Variants in DPYSL2 observed in about 807,000 individuals in gnomAD.
DPYSL2 encodes dihydropyrimidinase like 2.
Under a neutral mutation model 69.9 loss-of-function variants are expected in DPYSL2, and 13 were observed. That is an observed-to-expected ratio of 0.19 (90% CI 0.12 to 0.30). The LOEUF is 0.30. DPYSL2 is among the 10% of genes least tolerant of loss of function. The pLI is 1.00. For missense variants in DPYSL2, 587 were observed against 918.9 expected (o/e 0.64, Z 4.67); for synonymous variants, 326 against 359.1 (o/e 0.91, Z 1.04).
intron 8 of DPYSL2, among the ~76,000 whole-genome samples, chr8:26,636,685 T>A (rs11135950): frequency 0.64 from 96,712 of 151,724 alleles, 32,922 homozygotes; most frequent in Non-Finnish European, 0.76. Context: ...GGTGCCCAGT[T>A]TGGACCTATT....
At position 26,640,487 on chromosome 8, in the gene DPYSL2, C is replaced by G. The variant is rs375174407; in HGVS notation, c.1127-2952C>G. On this transcript the variant is annotated intron_variant, in intron 8 of 13. Transcript: ENST00000521913. The surrounding 1 kb of genome is among the most constrained non-coding windows in gnomAD (Gnocchi z 4.2). ...TTTCTGGCATGCAGTTCAAGGGTGT[C>G]TGTGGCCTGGCTGAGCTCCGGAAGT... Among the ~76,000 whole-genome samples, 1 of 152,194 alleles carries G rather than the reference C, an allele frequency of 6.6e-6. No individual in the cohort carries two copies. The highest frequency in any genetic ancestry group is 2.1e-4 in the South Asian group (1 of 4,830).
intron 1 of DPYSL2, among the ~76,000 whole-genome samples, chr8:26,555,547 G>C (rs966380672): frequency 3.3e-5 from 5 of 152,008 alleles, no homozygotes; most frequent in African/African-American, 4.8e-5. Flanking sequence ...ATATGTATAA[G>C]ATCTGTATGA....
In DPYSL2 at chr8:26,642,801, T is replaced by G. The variant is rs777876247; in HGVS notation, c.1127-638T>G. 4 of 152,232 alleles carry G rather than the reference T, an allele frequency of 2.6e-5. No individual in the cohort carries two copies. Among genetic ancestry groups the G allele is most frequent in the African/African-American group, 4.8e-5 (2 of 41,440 alleles). 9.4% of individuals were successfully genotyped at this position (152,232 alleles called of 1,614,324 possible). On this transcript the variant is annotated intron_variant, in intron 8 of 13. Coordinates refer to ENST00000521913, the MANE Select transcript of DPYSL2 (RefSeq NM_001197293.3). This position sits in a 1 kb window ranked among gnomAD's most constrained non-coding sequence, Gnocchi z 5.3. ...AAACTCTGAAATCCCAGTGGCATAA[T>G]GTCCAGTTTGTTTCTCTCTCACAGA...
chr8:26,563,660 C>T (rs945025068), intron 1 of DPYSL2, among the ~76,000 whole-genome samples: 1 of 152,232 alleles, frequency 6.6e-6, no homozygotes, highest in Admixed American at 6.5e-5. Flanking sequence ...ACCTCTCTAT[C>T]CTCTGCTTAT....
At chr8:26,531,188 C>T (rs942781484) in intron 1 of DPYSL2, among the ~76,000 whole-genome samples, 6 of 152,016 alleles carry the variant, frequency 3.9e-5, no homozygotes, top group African/African-American at 1.4e-4. Context: ...TTGGGGGACA[C>T]ATTCAGACCA....
chr8:26,579,954 GC>G (rs56385974), intron 1 of DPYSL2, among the ~76,000 whole-genome samples: 34,660 of 122,274 alleles, frequency 0.28, 4,872 homozygotes, highest in South Asian at 0.4. Flanking sequence ...TTTAAAGAGC[GC>G]CCCCCCCCCC....
In DPYSL2 at chr8:26,656,920, T is replaced by C. The variant is rs1017357702; in HGVS notation, c.*1214T>C. On this transcript the variant is annotated 3_prime_UTR_variant, in exon 14 of 14. Transcript: ENST00000521913. The stretch of plus-strand genomic sequence containing the variant: ...GGTCAAACCTAAACACCGAGCCTCA[T>C]TAACCCAAGTGAACCAACCAAAGTC... The C allele has an allele frequency of 6.6e-6, 1 of 152,418 alleles. No individual in the cohort carries two copies. The highest frequency in any genetic ancestry group is 2.4e-5 in the African/African-American group (1 of 41,456). 9.4% of individuals were successfully genotyped at this position (152,418 alleles called of 1,614,324 possible). A position where few individuals can be genotyped will look rare whatever the true frequency, so the allele number is the denominator to read the frequency against.
chr8:26,520,488 A>G (rs1401364434), intron 1 of DPYSL2, among the ~76,000 whole-genome samples: 1 of 137,018 alleles, frequency 7.3e-6, no homozygotes, highest in Non-Finnish European at 1.6e-5. Context: ...TTTTTTTTTC[A>G]GTGTACTCTT....
In DPYSL2 at chr8:26,643,158, T is replaced by C; in HGVS notation, c.1127-281T>C. 1 of 357,688 alleles carries C rather than the reference T, an allele frequency of 2.8e-6. No homozygotes were observed. The highest frequency in any genetic ancestry group is 5.0e-5 in the East Asian group (1 of 19,834). 22.2% of individuals were successfully genotyped at this position (357,688 alleles called of 1,614,324 possible). On this transcript the variant is annotated intron_variant, in intron 8 of 13. Coordinates refer to ENST00000521913, the MANE Select transcript of DPYSL2 (RefSeq NM_001197293.3). The surrounding 1 kb of genome is among the most constrained non-coding windows in gnomAD (Gnocchi z 6.5). The stretch of plus-strand genomic sequence containing the variant: ...TTAATGGAATTGAAAATCAGCAACG[T>C]AGGAGACAGAAGCCTTCAGGATGTC...
chr8:26,595,897 A>G (rs1801850120), intron 3 of DPYSL2, among the ~76,000 whole-genome samples: 1 of 152,190 alleles, frequency 6.6e-6, no homozygotes, highest in African/African-American at 2.4e-5. Flanking sequence ...GTTCTGGCAG[A>G]GGCGAGCAGC....
chr8:26,560,993 A>C lies in DPYSL2; in HGVS notation c.355-20976A>C, dbSNP rs1801061286. On this transcript the variant is annotated intron_variant, in intron 1 of 13. Coordinates refer to ENST00000521913, the MANE Select transcript of DPYSL2 (RefSeq NM_001197293.3). This position sits in a 1 kb window ranked among gnomAD's most constrained non-coding sequence, Gnocchi z 4.4. ...TCCACAGTTATTAATGGTACCTTAC[A>C]CTACACAGTTGCTGCCACATCCATT... Among the ~76,000 whole-genome samples the C allele has an allele frequency of 6.6e-6, 1 of 152,148 alleles. No individual in the cohort carries two copies. The highest frequency in any genetic ancestry group is 1.5e-5 in the Non-Finnish European group (1 of 68,018).
intron 3 of DPYSL2, among the ~76,000 whole-genome samples, chr8:26,601,321 G>A (rs367951917): frequency 6.6e-6 from 1 of 152,096 alleles, no homozygotes; most frequent in Admixed American, 6.6e-5. Context: ...TGGCTCCGGG[G>A]CCAGCACTTA....
intron 3 of DPYSL2, among the ~76,000 whole-genome samples, chr8:26,622,086 TTTCTTTCCTTCCTTCCTTCCTTCCTTCC>T (rs1802494445): frequency 1.8e-5 from 2 of 109,410 alleles, no homozygotes; most frequent in African/African-American, 6.1e-5. Context: ...TCTTTCTTTC[TTTCTTTCCTTCCTTCCTTCCTTCCTTCC>T]TTCCTTCCTT....
At chr8:26,606,257 G>C (rs1346465419) in intron 3 of DPYSL2, among the ~76,000 whole-genome samples, 1 of 152,078 alleles carries the variant, frequency 6.6e-6, no homozygotes, top group Non-Finnish European at 1.5e-5. Context: ...GAAAACCAAA[G>C]TAAACATCTT....
At chr8:26,558,153 C>T (rs1387827525) in intron 1 of DPYSL2, among the ~76,000 whole-genome samples, 1 of 152,064 alleles carries the variant, frequency 6.6e-6, no homozygotes, top group Non-Finnish European at 1.5e-5. Flanking sequence ...ATGTTTATAG[C>T]AGCTTTATTC....
In DPYSL2 at chr8:26,593,509, G is replaced by A. The variant is rs1801787686; in HGVS notation, c.628+9526G>A. On this transcript the variant is annotated intron_variant, in intron 3 of 13. Coordinates refer to ENST00000521913, the MANE Select transcript of DPYSL2 (RefSeq NM_001197293.3). This position sits in a 1 kb window ranked among gnomAD's most constrained non-coding sequence, Gnocchi z 5.7. ...TCCTGTCCTCTTCACGAAGGGAGTGGGATCACACTGTTGCTATCTGGCCAG... is the reference window on the plus strand; with the variant it reads ...TCCTGTCCTCTTCACGAAGGGAGTGAGATCACACTGTTGCTATCTGGCCAG... 6.6e-6 allele frequency among the ~76,000 whole-genome samples: 1 copy of A among 152,162 alleles called. No homozygotes were observed. Among genetic ancestry groups the A allele is most frequent in the African/African-American group, 2.4e-5 (1 of 41,428 alleles).
At chr8:26,519,352 A>G (rs780242813) in intron 1 of DPYSL2, among the ~76,000 whole-genome samples, 2 of 152,204 alleles carry the variant, frequency 1.3e-5, no homozygotes, top group Non-Finnish European at 2.9e-5. Context: ...TGATGTCCTG[A>G]AAACTACTTC....
intron 1 of DPYSL2, among the ~76,000 whole-genome samples, chr8:26,569,697 G>A (rs1051354788): frequency 6.6e-6 from 1 of 152,184 alleles, no homozygotes; most frequent in African/African-American, 2.4e-5. Flanking sequence ...AAGAGATAGT[G>A]CTGAGACAAG....
intron 1 of DPYSL2, among the ~76,000 whole-genome samples, chr8:26,521,187 G>A (rs73678805): frequency 0.03 from 4,498 of 152,292 alleles, 232 homozygotes; most frequent in African/African-American, 0.1. Flanking sequence ...AGTACCATAG[G>A]TACTGCACAC....
Sources: gnomAD v4.1 joint callset for allele counts (sites outside exome capture counted in the v4.1 genomes callset) on GRCh38, gnomAD v4.1.1 for gene constraint, Gnocchi (gnomAD v3.1) non-coding constraint, MANE v1.5 for transcripts, NCBI Gene and HGNC (gene_info 2026-07-23, HGNC 2026-07-21) for gene names.